ANXA13: variants seen among roughly 807,000 people sequenced by gnomAD.
The protein encoded by ANXA13 is annexin A13.
A neutral mutation model predicts 46.6 loss-of-function variants in ANXA13; 36 were observed. That is an observed-to-expected ratio of 0.77 (90% CI 0.59 to 1.02). The LOEUF is 1.02. ANXA13 is among the 50% of genes least tolerant of loss of function. ANXA13 has a pLI of 0.00. For missense variants in ANXA13, 417 were observed against 396.5 expected (o/e 1.05, Z -0.44); for synonymous variants, 163 against 152.9 (o/e 1.07, Z -0.49).
intron 1 of ANXA13, among the ~76,000 whole-genome samples, chr8:123,713,122 G>A (rs1813692269): frequency 6.6e-6 from 1 of 152,216 alleles, no homozygotes; most frequent in African/African-American, 2.4e-5. Context: ...CCTTTGTCAT[G>A]AGACACAGCT....
chr8:123,727,763 A>C (rs1427914011), intron 1 of ANXA13: 4 of 151,754 alleles, frequency 2.6e-5, no homozygotes, highest in Non-Finnish European at 4.4e-5. Flanking sequence ...GGGTCTCTTT[A>C]AAAAGTGTGG....
chr8:123,731,732 G>A (rs1462582159), intron 1 of ANXA13, among the ~76,000 whole-genome samples: 1 of 152,078 alleles, frequency 6.6e-6, no homozygotes, highest in Non-Finnish European at 1.5e-5. Context: ...AAAGTAGCTG[G>A]GCGTTGTCAT....
At chr8:123,729,613 A>G (rs1390016609) in intron 1 of ANXA13, among the ~76,000 whole-genome samples, 1 of 152,118 alleles carries the variant, frequency 6.6e-6, no homozygotes, top group Non-Finnish European at 1.5e-5. Context: ...ACTTGAACAC[A>G]TGACAGTTAT....
chr8:123,737,137 A>C (rs1365107607), intron 1 of ANXA13, among the ~76,000 whole-genome samples, 183 bp downstream of exon 1: 1 of 152,056 alleles, frequency 6.6e-6, no homozygotes, highest in Non-Finnish European at 1.5e-5. Flanking sequence ...CTGGGAGTAC[A>C]GGTGTGAGCC....
chr8:123,717,942 G>A (rs1022569377), intron 1 of ANXA13, among the ~76,000 whole-genome samples: 27 of 152,220 alleles, frequency 1.8e-4, no homozygotes, highest in African/African-American at 5.6e-4. Flanking sequence ...TGCTAACGCT[G>A]TACCTCTGGC....
intron 6 of ANXA13, among the ~76,000 whole-genome samples, chr8:123,694,810 G>A (rs1813300327): frequency 2.6e-5 from 4 of 152,180 alleles, no homozygotes; most frequent in Admixed American, 2.6e-4. Context: ...TGCTAAGTTT[G>A]TGGCGATTTG....
rs376099912 is a variant in ANXA13 at position 123,695,605 on chromosome 8, G to A, written c.392-24C>T. 9.2e-5 allele frequency: 148 copies of A among 1,611,188 alleles called. No individual in the cohort carries two copies. The African/African-American group carries it at 1.8e-3, about 20-fold the overall frequency. Reference sequence around the variant, plus strand: ...TACTTCGAAGGAAGTAAACAAGGAGGGAAGAAAGCAGATGATTTAGTTTCC... The same window carrying A: ...TACTTCGAAGGAAGTAAACAAGGAGAGAAGAAAGCAGATGATTTAGTTTCC... On this transcript the variant is annotated intron_variant, in intron 5 of 10. Coordinates refer to ENST00000419625, the MANE Select transcript of ANXA13 (RefSeq NM_004306.4).
At chr8:123,699,219 A>G (rs1249864614) in intron 3 of ANXA13, among the ~76,000 whole-genome samples, 6 of 151,964 alleles carry the variant, frequency 3.9e-5, no homozygotes, top group Non-Finnish European at 8.8e-5. Flanking sequence ...TGACTTTGTC[A>G]CCCAGGCTGG....
At chr8:123,695,820 G>A (rs1007797197) in intron 4 of ANXA13, 99 bp from the exon 5 acceptor site, 1 of 1,031,808 alleles carries the variant, frequency 9.7e-7, no homozygotes, top group Non-Finnish European at 1.5e-6. Flanking sequence ...TGGACACAAA[G>A]TGCCTTCAAG....
intron 1 of ANXA13, among the ~76,000 whole-genome samples, chr8:123,723,823 GT>G (rs1047333506): frequency 6.6e-6 from 1 of 152,114 alleles, no homozygotes; most frequent in African/African-American, 2.4e-5. Context: ...TGGAGGCTAG[GT>G]TATGTCATGT....
chr8:123,688,469 C>T (rs769421918), intron 9 of ANXA13, among the ~76,000 whole-genome samples: 1 of 152,134 alleles, frequency 6.6e-6, no homozygotes, highest in Non-Finnish European at 1.5e-5. Context: ...AGCAGGACTG[C>T]AATGGATGCT....
At chr8:123,722,382 G>C (rs1813898708) in intron 1 of ANXA13, among the ~76,000 whole-genome samples, 1 of 126,252 alleles carries the variant, frequency 7.9e-6, no homozygotes, top group Non-Finnish European at 1.8e-5. Context: ...AAGAAAGAAA[G>C]AAAGAAAGAA....
chr8:123,712,680 A>C lies in ANXA13; in HGVS notation c.89T>G (p.Met30Arg), dbSNP rs144665201. Residue 30 changes from methionine to arginine, a missense_variant and splice_region_variant, in exon 2 of 11, where the codon ATG (methionine) becomes AGG (arginine). By Grantham distance (91) the Met-to-Arg change is moderately conservative. Transcript: ENST00000419625. The part of the protein sequence containing the change: ...AKKLNKACKG[M>R]GTNEAAIIEI... ...TAGCAACAAAATATCTCTCATACCC[A>C]TTCCTTTGCAGGCTTTGTTCAGCTT... 6.2e-7 allele frequency: 1 copy of C among 1,614,142 alleles called. No individual in the cohort carries two copies. The highest frequency in any genetic ancestry group is 8.5e-7 in the Non-Finnish European group (1 of 1,179,950).
chr8:123,702,437 G>A (rs962457197), intron 3 of ANXA13, among the ~76,000 whole-genome samples: 2 of 152,174 alleles, frequency 1.3e-5, no homozygotes, highest in Non-Finnish European at 2.9e-5. Context: ...GAGTTTAAGA[G>A]TATTGATTTT....
At chr8:123,685,876 T>C (rs1363952442) in intron 9 of ANXA13, among the ~76,000 whole-genome samples, 1 of 152,218 alleles carries the variant, frequency 6.6e-6, no homozygotes, top group Non-Finnish European at 1.5e-5. Context: ...GGGAGTAGCA[T>C]ATTCAAGACT....
At chr8:123,688,551 T>G (rs562446743) in intron 9 of ANXA13, among the ~76,000 whole-genome samples, 36 of 152,212 alleles carry the variant, frequency 2.4e-4, no homozygotes, top group Non-Finnish European at 4.3e-4. Context: ...CCCAGGAATC[T>G]CCCTCCAAGG....
In ANXA13 at chr8:123,680,896, T is replaced by C. The variant is rs755669631; in HGVS notation, c.*344A>G. On this transcript the variant is annotated 3_prime_UTR_variant, in exon 11 of 11. Coordinates refer to ENST00000419625, the MANE Select transcript of ANXA13 (RefSeq NM_004306.4). ...TAATTTTGTCTTTCCTGTACCTTAC[T>C]TGTGTGATGCATATCCTTCTAAATG... is the stretch of plus-strand genomic sequence containing the variant. 59 of 196,098 alleles carry C rather than the reference T, an allele frequency of 3.0e-4. No individual in the cohort carries two copies. Among genetic ancestry groups the C allele is most frequent in the Non-Finnish European group, 5.7e-4 (55 of 96,312 alleles). 12.1% of individuals were successfully genotyped at this position (196,098 alleles called of 1,614,324 possible). A position where few individuals can be genotyped will look rare whatever the true frequency, so the allele number is the denominator to read the frequency against.
chr8:123,734,800 G>A (rs1814219642), intron 1 of ANXA13, among the ~76,000 whole-genome samples: 1 of 148,950 alleles, frequency 6.7e-6, no homozygotes, highest in African/African-American at 2.5e-5. Context: ...AGATGACCAA[G>A]TCCTGGCTCA....
intron 2 of ANXA13, among the ~76,000 whole-genome samples, chr8:123,707,509 G>A (rs1258709003): frequency 1.5e-4 from 23 of 152,144 alleles, no homozygotes; most frequent in Admixed American, 1.2e-3. Context: ...GGAATACTAT[G>A]CAGCCATAAA....
Sources: gnomAD v4.1 joint callset for allele counts (sites outside exome capture counted in the v4.1 genomes callset) on GRCh38, gnomAD v4.1.1 for gene constraint, MANE v1.5 for transcripts, NCBI Gene and HGNC (gene_info 2026-07-23, HGNC 2026-07-21) for gene names.